Variants in ARHGAP25 observed in about 807,000 individuals in gnomAD.
The protein encoded by ARHGAP25 is rho GTPase-activating protein 25.
A neutral mutation model predicts 71.0 loss-of-function variants in ARHGAP25; 34 were observed. The observed-to-expected ratio is 0.48, with a 90% CI of 0.36 to 0.64. The LOEUF is 0.64. ARHGAP25 is among the 30% of genes least tolerant of loss of function. The pLI is 0.00. For synonymous variants in ARHGAP25, 282 were observed against 296.5 expected, an observed-to-expected ratio of 0.95 and a Z score of 0.50; for missense variants, 706 against 805.1, an observed-to-expected ratio of 0.88 and a Z score of 1.49.
chr2:68,782,592 A>G (rs1678419136), intron 3 of ARHGAP25, among the ~76,000 whole-genome samples: 1 of 152,212 alleles, frequency 6.6e-6, no homozygotes, highest in African/African-American at 2.4e-5. Context: ...GGAGCCAGTT[A>G]CTGTACAAGG....
chr2:68,735,908 C>G (rs1167326334), intron 1 of ARHGAP25, among the ~76,000 whole-genome samples: 2 of 151,908 alleles, frequency 1.3e-5, no homozygotes, highest in African/African-American at 2.4e-5. Context: ...TAATCCATAC[C>G]CTGTCCTTCT....
intron 10 of ARHGAP25, among the ~76,000 whole-genome samples, chr2:68,823,938 C>T (rs1044388021): frequency 6.6e-6 from 1 of 152,164 alleles, no homozygotes; most frequent in Non-Finnish European, 1.5e-5. Context: ...AAGCCTTGAT[C>T]CAGCTGTTCC....
At chr2:68,732,059 C>T (rs138615804), upstream of ARHGAP25, among the ~76,000 whole-genome samples, 6 of 152,312 alleles carry the variant, frequency 3.9e-5, no homozygotes, top group East Asian at 7.7e-4. Context: ...TGTTTGCTTG[C>T]GCTACTGCAG....
Position 68,813,432 on chromosome 2 carries a change from G to T in ARHGAP25, c.807+13G>T, listed in dbSNP as rs1027598475. 13 of 1,609,016 alleles carry T rather than the reference G, an allele frequency of 8.1e-6. No homozygotes were observed. The highest frequency in any genetic ancestry group is 1.0e-5 in the Non-Finnish European group (12 of 1,178,368). On this transcript the variant is annotated intron_variant, in intron 6 of 10. Coordinates refer to ENST00000409202, the MANE Select transcript of ARHGAP25 (RefSeq NM_001007231.3). ...GGATGAGGCAAAGGTTTGCATCTTAGAGTTAGTTGTCCTGCCTTAGAAGAA... is the reference window on the plus strand; with the variant it reads ...GGATGAGGCAAAGGTTTGCATCTTATAGTTAGTTGTCCTGCCTTAGAAGAA...
rs138869396 is a variant in ARHGAP25, at chr2:68,826,823, TA to T, written c.*639del. The T allele has an allele frequency of 6.5e-4, 98 of 150,294 alleles. 1 individual carries two copies. Among genetic ancestry groups the T allele is most frequent in the Middle Eastern group, 6.9e-3 (2 of 290 alleles). 9.3% of individuals were successfully genotyped at this position (150,294 alleles called of 1,614,324 possible). Reference sequence around the variant, plus strand: ...AATTATATTCAAATAAAGCAAAAATTAAAAAAAAAAGGCTATTGCTAATCCA... The same window carrying T: ...AATTATATTCAAATAAAGCAAAAATTAAAAAAAAAGGCTATTGCTAATCCA... On this transcript the variant is annotated 3_prime_UTR_variant, in exon 11 of 11. Coordinates refer to ENST00000409202, the MANE Select transcript of ARHGAP25 (RefSeq NM_001007231.3).
intron 5 of ARHGAP25, among the ~76,000 whole-genome samples, chr2:68,812,128 T>C (rs995095919): frequency 5.3e-5 from 8 of 152,232 alleles, no homozygotes; most frequent in African/African-American, 1.9e-4. Context: ...GCAGGCCAGA[T>C]GGTCTTTATT....
intron 1 of ARHGAP25, among the ~76,000 whole-genome samples, chr2:68,747,035 T>C (rs1675873632): frequency 2.1e-5 from 3 of 144,742 alleles, no homozygotes; most frequent in South Asian, 4.3e-4. Context: ...AAAAGACAGG[T>C]GTCCCCATGT....
Position 68,776,698 on chromosome 2 carries a change from T to G in ARHGAP25, c.261+1278T>G, listed in dbSNP as rs1677945899. Among the ~76,000 whole-genome samples the G allele has an allele frequency of 1.3e-5, 2 of 152,120 alleles. 1 individual carries two copies. The highest frequency in any genetic ancestry group is 4.2e-4 in the South Asian group (2 of 4,808). ...GGACCCCAGGTGCAAACTGGATGTCTCAGGGCATCCAGCACAGCTGTCACC... is the reference window on the plus strand; with the variant it reads ...GGACCCCAGGTGCAAACTGGATGTCGCAGGGCATCCAGCACAGCTGTCACC... On this transcript the variant is annotated intron_variant, in intron 2 of 10. Transcript: ENST00000409202.
In ARHGAP25 at chr2:68,761,013, T is replaced by A. The variant is rs138019522; in HGVS notation, c.62-14208T>A. On this transcript the variant is annotated intron_variant, in intron 1 of 10. Coordinates refer to ENST00000409202, the MANE Select transcript of ARHGAP25 (RefSeq NM_001007231.3). ...GTAATGGCATAAAGACAGAAACAGA[T>A]GAATGGAATAGAATAGATTGTCTGG... Among the ~76,000 whole-genome samples, 432 of 151,926 alleles carry A rather than the reference T, an allele frequency of 2.8e-3. 1 individual carries two copies. Among genetic ancestry groups the A allele is most frequent in the African/African-American group, 9.8e-3 (408 of 41,444 alleles).
intron 1 of ARHGAP25, among the ~76,000 whole-genome samples, chr2:68,748,474 A>G (rs1675967336): frequency 6.6e-6 from 1 of 152,212 alleles, no homozygotes; most frequent in African/African-American, 2.4e-5. Context: ...AAGCTTCTGA[A>G]GGCAGGGCTT....
intron 4 of ARHGAP25, among the ~76,000 whole-genome samples, chr2:68,796,419 T>A (rs1398264565): frequency 1.3e-5 from 2 of 152,236 alleles, no homozygotes; most frequent in Non-Finnish European, 2.9e-5. Context: ...TCGTGCTTCC[T>A]GTATTGTTAC....
intron 3 of ARHGAP25, among the ~76,000 whole-genome samples, chr2:68,782,721 C>A (rs1178555020): frequency 3.3e-5 from 5 of 152,198 alleles, no homozygotes; most frequent in Non-Finnish European, 7.3e-5. Flanking sequence ...CGTGAAATTG[C>A]CATTTTGATG....
chr2:68,820,088 G>A (rs1681532252), intron 9 of ARHGAP25, among the ~76,000 whole-genome samples: 1 of 152,180 alleles, frequency 6.6e-6, no homozygotes, highest in Non-Finnish European at 1.5e-5. Context: ...GTGGGTAGTG[G>A]TTGTAGTTTT....
At chr2:68,717,955 T>C (rs1674657920) in intron 2 of ARHGAP25, among the ~76,000 whole-genome samples, 1 of 152,194 alleles carries the variant, frequency 6.6e-6, no homozygotes, top group South Asian at 2.1e-4. Flanking sequence ...CACTTTATCA[T>C]ATAATTAGAA....
chr2:68,715,410 C>T (rs1368061965), intron 2 of ARHGAP25, among the ~76,000 whole-genome samples: 1 of 152,132 alleles, frequency 6.6e-6, no homozygotes, highest in African/African-American at 2.4e-5. Flanking sequence ...CCACCAACAA[C>T]AACAAAGAGA....
chr2:68,742,017 C>T (rs759512716), intron 1 of ARHGAP25, among the ~76,000 whole-genome samples: 111 of 152,352 alleles, frequency 7.3e-4, no homozygotes, highest in Non-Finnish European at 4.4e-4. Context: ...CACCACCCCT[C>T]CACCTTTCTA....
chr2:68,772,720 T>C (rs2104368076), intron 1 of ARHGAP25, among the ~76,000 whole-genome samples: 1 of 152,330 alleles, frequency 6.6e-6, no homozygotes, highest in Admixed American at 6.5e-5. Flanking sequence ...TGTAGTTCTT[T>C]GGGGATCATT....
chr2:68,813,434 G>C lies in ARHGAP25; in HGVS notation c.807+15G>C. On this transcript the variant is annotated intron_variant, in intron 6 of 10. Coordinates refer to ENST00000409202, the MANE Select transcript of ARHGAP25 (RefSeq NM_001007231.3). ...ATGAGGCAAAGGTTTGCATCTTAGA[G>C]TTAGTTGTCCTGCCTTAGAAGAAAG... 6.2e-7 allele frequency: 1 copy of C among 1,609,746 alleles called. No homozygotes were observed.
intron 4 of ARHGAP25, among the ~76,000 whole-genome samples, chr2:68,794,396 G>T (rs1679395602): frequency 6.6e-6 from 1 of 152,144 alleles, no homozygotes; most frequent in African/African-American, 2.4e-5. Context: ...TATGATGTTG[G>T]CTGTGCATTT....
Sources: allele counts gnomAD v4.1 joint callset (sites outside exome capture counted in the v4.1 genomes callset), GRCh38; gene constraint gnomAD v4.1.1; transcripts MANE v1.5; gene names NCBI Gene and HGNC (gene_info 2026-07-23, HGNC 2026-07-21).